Variants in LARP1B observed in about 807,000 individuals in gnomAD.
LARP1B encodes la-related protein 1B.
LARP1B carries 76 observed loss-of-function variants against 114.2 expected under a neutral mutation model. That is an observed-to-expected ratio of 0.67 (90% CI 0.55 to 0.81). The LOEUF (loss-of-function observed/expected upper bound fraction) is 0.81, where lower values mean the gene tolerates loss of function less well. LARP1B is among the 30% of genes least tolerant of loss of function. The pLI, the probability that LARP1B is intolerant of heterozygous loss-of-function variation, is 0.00. For missense variants in LARP1B, 1,014 were observed against 1,075.8 expected (o/e 0.94, Z 0.80); for synonymous variants, 345 against 348.0 (o/e 0.99, Z 0.10).
At chr4:128,070,658 TC>T (rs1289362651) in intron 1 of LARP1B, among the ~76,000 whole-genome samples, 3 of 151,768 alleles carry the variant, frequency 2.0e-5, no homozygotes, top group Non-Finnish European at 4.4e-5. Flanking sequence ...AAATTCCGTC[TC>T]AAAAAGAAAA....
chr4:128,072,264 G>A (rs1765672751), intron 1 of LARP1B, among the ~76,000 whole-genome samples: 1 of 152,166 alleles, frequency 6.6e-6, no homozygotes, highest in Admixed American at 6.5e-5. Flanking sequence ...GCCTCCCAAA[G>A]TGGTGGGATT....
At chr4:128,105,710 T>C (rs900585264) in intron 8 of LARP1B, among the ~76,000 whole-genome samples, 3 of 151,978 alleles carry the variant, frequency 2.0e-5, no homozygotes, top group Non-Finnish European at 2.9e-5. Flanking sequence ...GCCAACTTGG[T>C]GAAACCCCGT....
chr4:128,167,745 A>G (rs1379324627), intron 12 of LARP1B, among the ~76,000 whole-genome samples: 4 of 152,060 alleles, frequency 2.6e-5, no homozygotes. Context: ...AAGTTACTGA[A>G]CATTTCCATT....
intron 11 of LARP1B, chr4:128,156,111 T>A (rs563095712): frequency 1.9e-6 from 3 of 1,609,510 alleles, no homozygotes; most frequent in Middle Eastern, 2.1e-4. Flanking sequence ...CCAGCACTCC[T>A]GAGCCCTGTG....
In LARP1B at chr4:128,211,201, G is replaced by C. The variant is rs1366430548; in HGVS notation, c.*1148G>C. ...TTGAAAAGCTGTAATATTCAGTTTTGCTAGTAAAAGACCATTTTTTTGTGT... is the reference window on the plus strand; with the variant it reads ...TTGAAAAGCTGTAATATTCAGTTTTCCTAGTAAAAGACCATTTTTTTGTGT... On this transcript the variant is annotated 3_prime_UTR_variant, in exon 20 of 20. Coordinates refer to ENST00000326639, the MANE Select transcript of LARP1B (RefSeq NM_018078.4). 2 of 933,620 alleles carry C rather than the reference G, an allele frequency of 2.1e-6. No individual in the cohort carries two copies. Among genetic ancestry groups the C allele is most frequent in the South Asian group, 9.9e-5 (2 of 20,126 alleles). The allele number at this position is 933,620 out of a possible 1,614,324, so 57.8% of individuals were successfully genotyped here.
chr4:128,061,980 C>T (rs746011004), intron 1 of LARP1B: 1 of 985,192 alleles, frequency 1.0e-6, no homozygotes, highest in Non-Finnish European at 1.2e-6. Flanking sequence ...GCGCGTGGGC[C>T]CGGGGGCCCT....
intron 12 of LARP1B, among the ~76,000 whole-genome samples, chr4:128,172,313 C>G (rs1744065796): frequency 6.6e-6 from 1 of 152,084 alleles, no homozygotes; most frequent in African/African-American, 2.4e-5. Flanking sequence ...CTTGAACTCA[C>G]TGGATTTTTA....
intron 8 of LARP1B, among the ~76,000 whole-genome samples, chr4:128,102,715 CT>C (rs1407958227): frequency 1.3e-5 from 2 of 151,900 alleles, no homozygotes; most frequent in Non-Finnish European, 2.9e-5. Flanking sequence ...GCAAATTGAT[CT>C]TGGTTCTATA....
At chr4:128,133,086 G>C (rs1160385019) in intron 11 of LARP1B, among the ~76,000 whole-genome samples, 2 of 152,158 alleles carry the variant, frequency 1.3e-5, no homozygotes, top group Non-Finnish European at 2.9e-5. Context: ...GAGAGCGATA[G>C]GGAGCAGCTG....
At position 128,172,831 on chromosome 4, in the gene LARP1B, G is replaced by T. The variant is rs188311149; in HGVS notation, c.1649-4041G>T. Among the ~76,000 whole-genome samples, 459 of 151,866 alleles carry T rather than the reference G, an allele frequency of 3.0e-3. 4 individuals are homozygous for T. The highest frequency in any genetic ancestry group is 0.011 in the African/African-American group (441 of 41,404). On this transcript the variant is annotated intron_variant, in intron 12 of 19. Transcript: ENST00000326639. ...TTCACTAATGCTCTGTTTTGTTGTT[G>T]TTGTTTTTCAGTCCTTTTACTCTGT...
intron 5 of LARP1B, among the ~76,000 whole-genome samples, chr4:128,084,580 G>A (rs1261449167): frequency 1.3e-5 from 2 of 151,516 alleles, no homozygotes; most frequent in Non-Finnish European, 2.9e-5. Context: ...CAGCAGTACA[G>A]TCCAGCTTCG....
In LARP1B at chr4:128,079,353, C is replaced by T. The variant is rs543640561; in HGVS notation, c.217+1391C>T. On this transcript the variant is annotated intron_variant, in intron 4 of 19. Coordinates refer to ENST00000326639, the MANE Select transcript of LARP1B (RefSeq NM_018078.4). ...CAGGCGATCCACCTGCCTCGGCCTC[C>T]CAAAGTGCTAGGATTACAGGCATGA... Among the ~76,000 whole-genome samples the T allele has an allele frequency of 2.6e-5, 4 of 152,050 alleles. No homozygotes were observed. The South Asian group carries it at 8.3e-4, about 32-fold the overall frequency.
intron 9 of LARP1B, chr4:128,108,582 G>T (rs1561248932): frequency 1.0e-6 from 1 of 985,520 alleles, no homozygotes; most frequent in Non-Finnish European, 1.2e-6. Flanking sequence ...TCAGCCTTCT[G>T]CTTCTAATCC....
intron 3 of LARP1B, among the ~76,000 whole-genome samples, chr4:128,077,210 A>G (rs925051887): frequency 6.6e-5 from 10 of 152,240 alleles, no homozygotes; most frequent in Admixed American, 6.5e-4. Flanking sequence ...CATTTAAAAA[A>G]ATGGAAGGCT....
rs1382100857 is a variant in LARP1B, at chr4:128,091,001, G to A, written c.359G>A (p.Ser120Asn). ...ATAAAAATATTTTTATTTTTAAAAG[G>A]TTGGAAGCGAGATAGAGAAAAAAGG... ...THNNRRNDTRSWKRDREKRDD... is the reference protein window; with the variant it reads ...THNNRRNDTRNWKRDREKRDD... Residue 120 changes from serine (S) to asparagine (N), a missense_variant and splice_region_variant, in exon 6 of 20, where the codon AGT becomes AAT. Transcript: ENST00000326639. The A allele has an allele frequency of 1.3e-6, 2 of 1,598,358 alleles. No individual in the cohort carries two copies. The highest frequency in any genetic ancestry group is 2.3e-5 in the South Asian group (2 of 88,692).
At chr4:128,074,140 A>G (rs1766866910) in intron 1 of LARP1B, among the ~76,000 whole-genome samples, 2 of 151,430 alleles carry the variant, frequency 1.3e-5, no homozygotes, top group South Asian at 4.2e-4. Flanking sequence ...GGGTTTCTCC[A>G]TGTTGGTCAG....
At chr4:128,220,571 C>T (rs1561599013) in intron 7 of LARP1B, 1 of 153,232 alleles carries the variant, frequency 6.5e-6, no homozygotes. Flanking sequence ...AGGCATTGCC[C>T]TAGTTATTGG....
At chr4:128,105,496 G>A (rs1237599792) in intron 8 of LARP1B, among the ~76,000 whole-genome samples, 1 of 152,168 alleles carries the variant, frequency 6.6e-6, no homozygotes, top group Non-Finnish European at 1.5e-5. Context: ...CTCATCTAAA[G>A]CTTTCACCAT....
chr4:128,107,283 G>C lies in LARP1B; in HGVS notation c.958G>C (p.Val320Leu), dbSNP rs1782433659. Residue 320 changes from valine to leucine, a missense_variant, in exon 9 of 20, where the codon GTA (valine) becomes CTA (leucine). By Grantham distance (32) the Val-to-Leu change is conservative. Transcript: ENST00000326639. ...FSQLIDCPEF[V>L]PGQAFCSHTE... is the part of the protein sequence containing the mutation. ...TCAACTGATTGATTGTCCAGAGTTT[G>C]TACCAGGCCAAGCCTTTTGCTCACA... 1.9e-6 allele frequency: 3 copies of C among 1,614,148 alleles called. No individual in the cohort carries two copies. The East Asian group carries it at 6.7e-5, about 36-fold the overall frequency.
Sources: allele counts gnomAD v4.1 joint callset (sites outside exome capture counted in the v4.1 genomes callset), GRCh38; gene constraint gnomAD v4.1.1; transcripts MANE v1.5; gene names NCBI Gene and HGNC (gene_info 2026-07-23, HGNC 2026-07-21).